Variants in MAP4K4 observed in about 807,000 individuals in gnomAD.
MAP4K4 encodes the protein HPK/GCK-like kinase HGK.
In MAP4K4, 38 loss-of-function variants were observed where a neutral mutation model predicts 189.6. The observed-to-expected ratio is 0.20, with a 90% CI of 0.15 to 0.26. The LOEUF is 0.26. Among genes scored for constraint, MAP4K4 ranks in the 10% least tolerant of loss-of-function variants. MAP4K4 has a pLI of 1.00. For missense variants in MAP4K4, 1,054 were observed against 1,726.9 expected (o/e 0.61, Z 6.91); for synonymous variants, 610 against 624.3 (o/e 0.98, Z 0.34).
intron 3 of MAP4K4, among the ~76,000 whole-genome samples, chr2:101,800,635 T>C (rs1042655321): frequency 2.0e-5 from 3 of 152,218 alleles, no homozygotes; most frequent in Non-Finnish European, 2.9e-5. Context: ...TGTTCAGATA[T>C]AATTTTGGTT....
Position 101,731,323 on chromosome 2 carries a change from G to T in MAP4K4, c.123+32785G>T, listed in dbSNP as rs181536929. 3.5e-3 allele frequency among the ~76,000 whole-genome samples: 531 copies of T among 151,704 alleles called. 2 individuals are homozygous for T. The highest frequency in any genetic ancestry group is 0.012 in the African/African-American group (516 of 41,466). On this transcript the variant is annotated intron_variant, in intron 2 of 32. Transcript: ENST00000324219. The stretch of plus-strand genomic sequence containing the variant: ...GTAGAGATGGGGTTTCACCATGTTG[G>T]CCAGGCTGGCCTCGAACTCCTGACC...
intron 2 of MAP4K4, among the ~76,000 whole-genome samples, chr2:101,718,709 C>T (rs2049999359): frequency 6.6e-6 from 1 of 152,070 alleles, no homozygotes; most frequent in Admixed American, 6.5e-5. Flanking sequence ...TCCTTTTTCT[C>T]TACTTTCCTG....
At chr2:101,698,623 G>A in intron 2 of MAP4K4, 85 bp downstream of exon 2, 2 of 1,345,316 alleles carry the variant, frequency 1.5e-6, no homozygotes, top group East Asian at 2.3e-5. Flanking sequence ...ACATGCTGCT[G>A]ACTGGAGGCC....
chr2:101,836,577 A>G (rs2096762013), intron 9 of MAP4K4, among the ~76,000 whole-genome samples: 1 of 152,144 alleles, frequency 6.6e-6, no homozygotes, highest in African/African-American at 2.4e-5. Flanking sequence ...AACAAGAGCG[A>G]AACTCTGTCT....
intron 3 of MAP4K4, among the ~76,000 whole-genome samples, chr2:101,814,428 A>G (rs2095604456): frequency 2.0e-5 from 3 of 152,222 alleles, no homozygotes. Flanking sequence ...TCTTCCAGAG[A>G]CTTCTCCAGG....
intron 12 of MAP4K4, among the ~76,000 whole-genome samples, chr2:101,855,598 A>G (rs746119684): frequency 4.6e-5 from 7 of 151,206 alleles, no homozygotes; most frequent in Non-Finnish European, 1.0e-4. Flanking sequence ...CTGTATTTCT[A>G]TTTCCCTTTA....
chr2:101,707,157 A>G (rs2042739269), intron 2 of MAP4K4, among the ~76,000 whole-genome samples: 1 of 150,424 alleles, frequency 6.6e-6, no homozygotes, highest in Admixed American at 6.6e-5. Context: ...TTTAGTAGGC[A>G]CTTAGGTTGT....
chr2:101,893,528 A>T (rs1177576488), exon 33 of MAP4K4: 1 of 266,632 alleles, frequency 3.8e-6, no homozygotes, highest in African/African-American at 2.2e-5. Flanking sequence ...CAGTGAACAC[A>T]CTCGTGTACA....
At chr2:101,798,111 T>C (rs113549570) in intron 3 of MAP4K4, among the ~76,000 whole-genome samples, 2,411 of 151,288 alleles carry the variant, frequency 0.016, 75 homozygotes, top group African/African-American at 0.055. Flanking sequence ...TGGGGTCTTA[T>C]TGTGTTGCCC....
exon 24 of MAP4K4, chr2:101,871,640 C>T (rs2098028116): frequency 2.0e-6 from 3 of 1,536,860 alleles, no homozygotes; most frequent in Non-Finnish European, 2.6e-6. Flanking sequence ...AGCCGACACC[C>T]ACCATGTCCC....
At chr2:101,888,466 G>A (rs1559351776) in intron 31 of MAP4K4, among the ~76,000 whole-genome samples, 1 of 152,086 alleles carries the variant, frequency 6.6e-6, no homozygotes, top group Non-Finnish European at 1.5e-5. Context: ...GATCACTCAT[G>A]ATTTCTCTTC....
rs988147111 is a variant in MAP4K4 at position 101,829,423 on chromosome 2, A to G, written c.418-81A>G. The G allele has an allele frequency of 1.7e-5, 15 of 893,260 alleles. No homozygotes were observed. In the South Asian group the frequency reaches 2.2e-4, roughly 13 times the overall value. The allele number at this position is 893,260 out of a possible 1,614,324, so 55.3% of individuals were successfully genotyped here. A position where few individuals can be genotyped will look rare whatever the true frequency, so the allele number is the denominator to read the frequency against. On this transcript the variant is annotated intron_variant, in intron 5 of 32. Coordinates refer to ENST00000324219, the Ensembl canonical transcript of MAP4K4. Reference sequence around the variant, plus strand: ...ACAAACACCTTTGGTCCACATGTGCACTTTCTTATAAAAGGTGTGTTCCTG... The same window carrying G: ...ACAAACACCTTTGGTCCACATGTGCGCTTTCTTATAAAAGGTGTGTTCCTG...
chr2:101,827,133 AATCTCCAGTAAC>A (rs2096398259), intron 5 of MAP4K4, among the ~76,000 whole-genome samples: 1 of 152,178 alleles, frequency 6.6e-6, no homozygotes. Context: ...TACCATCAGT[AATCTCCAGTAAC>A]ATTTAAAAGA....
At chr2:101,879,521 A>G (rs1025254243) in intron 27 of MAP4K4, among the ~76,000 whole-genome samples, 1 of 152,190 alleles carries the variant, frequency 6.6e-6, no homozygotes, top group African/African-American at 2.4e-5. Context: ...TTCTCTTAAC[A>G]TATATTGAAT....
intron 2 of MAP4K4, among the ~76,000 whole-genome samples, chr2:101,752,822 T>C (rs2069869367): frequency 6.6e-6 from 1 of 152,210 alleles, no homozygotes; most frequent in Non-Finnish European, 1.5e-5. Context: ...CACATCATTA[T>C]TGCTACTGGC....
At chr2:101,894,085 T>C (rs1204989501) in exon 33 of MAP4K4, 1 of 152,466 alleles carries the variant, frequency 6.6e-6, no homozygotes, top group East Asian at 1.9e-4. Context: ...TCGAAATGTT[T>C]AGATTCTTTT....
At chr2:101,868,871 C>T (rs1177744419) in intron 21 of MAP4K4, among the ~76,000 whole-genome samples, 1 of 151,086 alleles carries the variant, frequency 6.6e-6, no homozygotes, top group African/African-American at 2.4e-5. Context: ...AGGTAAAATT[C>T]TAGATCAACA....
At chr2:101,770,146 A>G (rs1436392500) in intron 2 of MAP4K4, among the ~76,000 whole-genome samples, 1 of 151,968 alleles carries the variant, frequency 6.6e-6, no homozygotes, top group East Asian at 1.9e-4. Flanking sequence ...AGTTTTGTAG[A>G]TATCATTAAC....
chr2:101,735,416 TTTTC>T (rs1452997233), intron 2 of MAP4K4, among the ~76,000 whole-genome samples: 2 of 152,116 alleles, frequency 1.3e-5, no homozygotes, highest in Non-Finnish European at 1.5e-5. Flanking sequence ...TGAGCAGAAG[TTTTC>T]TTCTGTTCAA....
Sources: gnomAD v4.1 joint callset for allele counts (sites outside exome capture counted in the v4.1 genomes callset) on GRCh38, gnomAD v4.1.1 for gene constraint, MANE v1.5 for transcripts, NCBI Gene and HGNC (gene_info 2026-07-23, HGNC 2026-07-21) for gene names.